CNTN5: variants seen among roughly 807,000 people sequenced by gnomAD.
CNTN5 encodes contactin 5.
CNTN5 carries 77 observed loss-of-function variants against 129.1 expected under a neutral mutation model. The observed-to-expected ratio is 0.60, with a 90% CI of 0.50 to 0.72. The LOEUF (loss-of-function observed/expected upper bound fraction) is 0.72, where lower values mean the gene tolerates loss of function less well. Among genes scored for constraint, CNTN5 ranks in the 30% least tolerant of loss-of-function variants. CNTN5 has a pLI of 0.00. For synonymous variants in CNTN5, 509 were observed against 465.6 expected (o/e 1.09, Z -1.20); for missense variants, 1,478 against 1,328.8 (o/e 1.11, Z -1.75).
chr11:99,796,673 C>A (rs558199653), intron 3 of CNTN5, among the ~76,000 whole-genome samples: 1 of 152,094 alleles, frequency 6.6e-6, no homozygotes, highest in South Asian at 2.1e-4. Context: ...CTGGTCCTAT[C>A]TCGGGGCAGG....
chr11:99,361,054 G>A (rs1939075729), intron 2 of CNTN5, among the ~76,000 whole-genome samples: 1 of 151,884 alleles, frequency 6.6e-6, no homozygotes, highest in African/African-American at 2.4e-5. Flanking sequence ...CAAGTTCTTT[G>A]CCACTTCATA....
intron 2 of CNTN5, among the ~76,000 whole-genome samples, chr11:99,509,838 C>T (rs1168852040): frequency 1.3e-5 from 2 of 151,640 alleles, no homozygotes; most frequent in Non-Finnish European, 2.9e-5. Flanking sequence ...AAAAAGTATT[C>T]CCTACATAGT....
rs570051278 is a variant in CNTN5, at chr11:100,312,935, A to G, written c.2730+4467A>G. Among the ~76,000 whole-genome samples the G allele has an allele frequency of 5.3e-3, 799 of 152,164 alleles. 7 individuals are homozygous for G. Among genetic ancestry groups the G allele is most frequent in the Middle Eastern group, 0.017 (5 of 294 alleles). On this transcript the variant is annotated intron_variant, in intron 21 of 24. Transcript: ENST00000524871. ...TTTTTTTTAAAAATCAAGGAAACAC[A>G]TAAGTAATAAGATAAACTCTGATAA... is the stretch of plus-strand genomic sequence containing the variant.
intron 3 of CNTN5, among the ~76,000 whole-genome samples, chr11:99,656,306 T>G (rs865975129): frequency 5.3e-5 from 8 of 152,246 alleles, no homozygotes; most frequent in Admixed American, 2.0e-4. Flanking sequence ...TCCCTCCACC[T>G]TCTTAATTTC....
chr11:99,637,135 T>C (rs1203358043), intron 3 of CNTN5, among the ~76,000 whole-genome samples: 1 of 151,186 alleles, frequency 6.6e-6, no homozygotes, highest in East Asian at 1.9e-4. Context: ...TATTTAATGA[T>C]AATAATCATT....
At chr11:99,904,972 C>T (rs1400804738) in intron 6 of CNTN5, among the ~76,000 whole-genome samples, 1 of 150,216 alleles carries the variant, frequency 6.7e-6, no homozygotes, top group Non-Finnish European at 1.5e-5. Context: ...ATCCTTCACC[C>T]ACTTTTTGAT....
chr11:99,474,500 T>C (rs1474035005), intron 2 of CNTN5, among the ~76,000 whole-genome samples: 1 of 152,110 alleles, frequency 6.6e-6, no homozygotes, highest in Non-Finnish European at 1.5e-5. Context: ...CATATTTAAA[T>C]TCTAATAAAA....
chr11:99,629,233 A>T (rs1215946445), intron 3 of CNTN5, among the ~76,000 whole-genome samples: 1 of 152,066 alleles, frequency 6.6e-6, no homozygotes, highest in African/African-American at 2.4e-5. Flanking sequence ...AGATTGAATT[A>T]AGGCATTTTG....
intron 21 of CNTN5, among the ~76,000 whole-genome samples, chr11:100,331,313 T>C (rs1421618895): frequency 6.6e-6 from 1 of 152,058 alleles, no homozygotes; most frequent in Non-Finnish European, 1.5e-5. Context: ...CACCTAACAT[T>C]GGAGCTCCCA....
At chr11:99,567,836 A>G (rs1299908413) in intron 3 of CNTN5, among the ~76,000 whole-genome samples, 1 of 152,102 alleles carries the variant, frequency 6.6e-6, no homozygotes, top group African/African-American at 2.4e-5. Context: ...ATCAGAAGAC[A>G]ATTTAATTTC....
At chr11:99,433,102 T>G (rs1943455511) in intron 2 of CNTN5, among the ~76,000 whole-genome samples, 1 of 151,988 alleles carries the variant, frequency 6.6e-6, no homozygotes, top group Admixed American at 6.6e-5. Flanking sequence ...ATCTGAAATT[T>G]TGAAAGCAGC....
At chr11:99,600,444 A>T (rs1488848705) in intron 3 of CNTN5, among the ~76,000 whole-genome samples, 1 of 152,172 alleles carries the variant, frequency 6.6e-6, no homozygotes, top group African/African-American at 2.4e-5. Flanking sequence ...AATTAGGTAT[A>T]AATTGTAATG....
intron 3 of CNTN5, among the ~76,000 whole-genome samples, chr11:99,735,861 C>T (rs965938509): frequency 2.0e-5 from 3 of 152,138 alleles, no homozygotes; most frequent in Non-Finnish European, 2.9e-5. Flanking sequence ...ACTACAGTCA[C>T]GTTGCTGTAC....
chr11:100,274,959 A>G (rs1464678200), intron 18 of CNTN5, among the ~76,000 whole-genome samples: 1 of 152,240 alleles, frequency 6.6e-6, no homozygotes, highest in Non-Finnish European at 1.5e-5. Context: ...AAGTTTACCT[A>G]TGTAACAAAC....
At chr11:99,333,322 A>C (rs1471188007) in intron 2 of CNTN5, among the ~76,000 whole-genome samples, 1 of 152,056 alleles carries the variant, frequency 6.6e-6, no homozygotes, top group Non-Finnish European at 1.5e-5. Flanking sequence ...TTACACATAC[A>C]ATAAAACAGA....
intron 3 of CNTN5, among the ~76,000 whole-genome samples, chr11:99,754,645 A>C (rs1331467438): frequency 6.6e-6 from 1 of 152,204 alleles, no homozygotes; most frequent in East Asian, 1.9e-4. Context: ...AATTAAGTGG[A>C]AGGTAGAAGA....
At chr11:100,222,859 C>T (rs1949293481) in intron 15 of CNTN5, among the ~76,000 whole-genome samples, 1 of 151,920 alleles carries the variant, frequency 6.6e-6, no homozygotes, top group Non-Finnish European at 1.5e-5. Flanking sequence ...CCTAAGAAAT[C>T]CAGAGAGAAA....
chr11:99,828,014 A>G (rs1422527407), intron 4 of CNTN5, among the ~76,000 whole-genome samples: 1 of 76,846 alleles, frequency 1.3e-5, no homozygotes, highest in Non-Finnish European at 3.6e-5. Flanking sequence ...ACTCATCACA[A>G]GAGAGTTATT....
chr11:99,182,404 G>A (rs548537868), intron 1 of CNTN5, among the ~76,000 whole-genome samples: 1 of 152,210 alleles, frequency 6.6e-6, no homozygotes, highest in East Asian at 1.9e-4. Flanking sequence ...AATAGTTCCA[G>A]TAAAGATTCC....
Sources: gnomAD v4.1 joint callset for allele counts (sites outside exome capture counted in the v4.1 genomes callset) on GRCh38, gnomAD v4.1.1 for gene constraint, MANE v1.5 for transcripts, NCBI Gene and HGNC (gene_info 2026-07-23, HGNC 2026-07-21) for gene names.